Variants in PREPL observed in about 807,000 individuals in gnomAD.
The protein encoded by PREPL is prolyl endopeptidase-like.
PREPL carries 77 observed loss-of-function variants against 70.6 expected under a neutral mutation model. That is an observed-to-expected ratio of 1.09 (90% CI 0.91 to 1.32). PREPL has a LOEUF of 1.32. PREPL is among the 40% of genes most tolerant of loss of function. The pLI is 0.00. For missense variants in PREPL, 1,002 were observed against 778.2 expected (o/e 1.29, Z -3.42); for synonymous variants, 315 against 264.8 (o/e 1.19, Z -1.84).
chr2:44,328,860 C>A, intron 9 of PREPL, 77 bp downstream of exon 9: 1 of 1,339,226 alleles, frequency 7.5e-7, no homozygotes, highest in Non-Finnish European at 1.0e-6. Context: ...GCTTTTGTTC[C>A]CTGATATATA....
intron 1 of PREPL, chr2:44,360,649 C>T (rs1433925304): frequency 1.3e-5 from 2 of 152,204 alleles, no homozygotes; most frequent in East Asian, 3.8e-4. Context: ...CTACACTTAA[C>T]TGTGTCTCCG....
In PREPL at chr2:44,318,060, C is replaced by T; in HGVS notation, c.*3296G>A. 4.6e-6 allele frequency: 2 copies of T among 431,026 alleles called. No individual in the cohort carries two copies. The highest frequency in any genetic ancestry group is 1.6e-5 in the South Asian group (1 of 61,112). 26.7% of individuals were successfully genotyped at this position (431,026 alleles called of 1,614,324 possible). On this transcript the variant is annotated 3_prime_UTR_variant, in exon 14 of 14. Transcript: ENST00000409411. ...TTCCTAATACTTAGAAATATTTGCA[C>T]ATGTGCACAATAATACTTAAAGGAT... is the stretch of plus-strand genomic sequence containing the variant.
chr2:44,323,622 A>G (rs899645253), intron 10 of PREPL, among the ~76,000 whole-genome samples: 4 of 152,198 alleles, frequency 2.6e-5, no homozygotes, highest in Non-Finnish European at 5.9e-5. Flanking sequence ...ATGACATATA[A>G]CAAGAAATGG....
chr2:44,354,154 T>A (rs575858517), intron 1 of PREPL, among the ~76,000 whole-genome samples: 41 of 151,878 alleles, frequency 2.7e-4, no homozygotes, highest in Non-Finnish European at 5.2e-4. Flanking sequence ...AGGCCCTCTC[T>A]CAACAACAAC....
chr2:44,355,672 G>A (rs980451842), intron 1 of PREPL, among the ~76,000 whole-genome samples: 5 of 151,664 alleles, frequency 3.3e-5, no homozygotes, highest in African/African-American at 1.2e-4. Flanking sequence ...AAATCTGATT[G>A]CGCCTACATT....
At chr2:44,328,839 G>GA (rs900133836) in intron 9 of PREPL, 98 bp downstream of exon 9, 6 of 1,241,296 alleles carry the variant, frequency 4.8e-6, no homozygotes, top group Non-Finnish European at 4.4e-6. Context: ...TAATAAGAAT[G>GA]AAAAAAATAA....
In PREPL at chr2:44,359,146, G is replaced by A. The variant is rs181979516; in HGVS notation, c.-49+2234C>T. ...TGCTGTGGTGCGATCTCAGCTCACC[G>A]CAACCTCTGCCTCCTGGGTTCAAGA... On this transcript the variant is annotated intron_variant, in intron 1 of 13. Coordinates refer to ENST00000409411, the MANE Select transcript of PREPL (RefSeq NM_001171613.2). 6.7e-5 allele frequency among the ~76,000 whole-genome samples: 9 copies of A among 135,176 alleles called. No individual in the cohort carries two copies. The East Asian group carries it at 1.4e-3, about 21-fold the overall frequency. The allele number at this position is 135,176 out of a possible 152,430, so 88.7% of individuals were successfully genotyped here.
chr2:44,351,063 C>T (rs1390163103), intron 1 of PREPL, among the ~76,000 whole-genome samples: 1 of 151,310 alleles, frequency 6.6e-6, no homozygotes, highest in Non-Finnish European at 1.5e-5. Context: ...GCTGGGATTA[C>T]AGGCACTTGC....
At position 44,319,288 on chromosome 2, in the gene PREPL, C is replaced by A. The variant is rs1224304358; in HGVS notation, c.*2068G>T. 6.6e-6 allele frequency: 1 copy of A among 152,612 alleles called. No individual in the cohort carries two copies. Among genetic ancestry groups the A allele is most frequent in the Non-Finnish European group, 1.5e-5 (1 of 68,040 alleles). 9.5% of individuals were successfully genotyped at this position (152,612 alleles called of 1,614,324 possible). On this transcript the variant is annotated 3_prime_UTR_variant, in exon 14 of 14. Transcript: ENST00000409411. ...ATGAACATTATCACTGATTTGGCAA[C>A]AGCTCTTATGAAGAATAATTTGGCA...
chr2:44,320,015 G>A lies in PREPL; in HGVS notation c.*1341C>T. The A allele has an allele frequency of 1.7e-6, 1 of 600,112 alleles. No individual in the cohort carries two copies. The highest frequency in any genetic ancestry group is 2.0e-5 in the South Asian group (1 of 48,950). 37.2% of individuals were successfully genotyped at this position (600,112 alleles called of 1,614,324 possible). ...CCAGACAAGCCGAAACCCCGAATTTGTCATTTCTATCAGTTTTTATATAAA... is the reference window on the plus strand; with the variant it reads ...CCAGACAAGCCGAAACCCCGAATTTATCATTTCTATCAGTTTTTATATAAA... On this transcript the variant is annotated 3_prime_UTR_variant, in exon 14 of 14. Transcript: ENST00000409411.
Position 44,320,941 on chromosome 2 carries a change from A to G in PREPL, c.*415T>C, listed in dbSNP as rs540294069. On this transcript the variant is annotated 3_prime_UTR_variant, in exon 14 of 14. Transcript: ENST00000409411. ...AACGAATTTTAAGGGGAAGAATTTT[A>G]TCTTTTCCCTTAAAATGCAGTCATA... 104 of 424,618 alleles carry G rather than the reference A, an allele frequency of 2.4e-4. No homozygotes were observed. The highest frequency in any genetic ancestry group is 2.1e-3 in the Middle Eastern group (3 of 1,460). The allele number at this position is 424,618 out of a possible 1,614,324, so 26.3% of individuals were successfully genotyped here.
At chr2:44,332,696 C>T (rs1209526186) in intron 7 of PREPL, 40 bp from the exon 8 acceptor site, 25 of 1,458,476 alleles carry the variant, frequency 1.7e-5, no homozygotes, top group Non-Finnish European at 2.1e-5. Context: ...TTTATTTAGG[C>T]CACCAAGTAT....
intron 2 of PREPL, among the ~76,000 whole-genome samples, chr2:44,345,951 G>C (rs927070186): frequency 1.3e-5 from 2 of 151,974 alleles, no homozygotes; most frequent in Non-Finnish European, 2.9e-5. Flanking sequence ...AGATCAGCCA[G>C]GGCAACACAG....
chr2:44,340,840 A>T (rs1219401292), intron 5 of PREPL, among the ~76,000 whole-genome samples: 1 of 151,718 alleles, frequency 6.6e-6, no homozygotes, highest in Non-Finnish European at 1.5e-5. Context: ...AGGTAGAAGA[A>T]TCACTTGAAC....
intron 9 of PREPL, among the ~76,000 whole-genome samples, chr2:44,328,438 C>CCA (rs1320991520): frequency 6.5e-5 from 4 of 61,198 alleles, no homozygotes; most frequent in Admixed American, 2.8e-4. Flanking sequence ...CTGTCTCAAA[C>CCA]AAAAAAAAAA....
chr2:44,344,835 T>C (rs938478178), intron 2 of PREPL, among the ~76,000 whole-genome samples: 2 of 152,188 alleles, frequency 1.3e-5, no homozygotes, highest in Admixed American at 1.3e-4. Context: ...AGAAAAGGTA[T>C]AACAAAATCT....
intron 6 of PREPL, 133 bp from the exon 7 acceptor site, chr2:44,338,669 A>G: frequency 1.3e-6 from 1 of 744,494 alleles, no homozygotes; most frequent in Admixed American, 3.1e-5. Flanking sequence ...CTAACGCTGC[A>G]TCAGGGATAA....
chr2:44,350,833 T>C lies in PREPL; in HGVS notation c.-48-4443A>G, dbSNP rs147124415. Among the ~76,000 whole-genome samples, 464 of 152,312 alleles carry C rather than the reference T, an allele frequency of 3.0e-3. 1 individual carries two copies. The highest frequency in any genetic ancestry group is 4.3e-3 in the Admixed American group (66 of 15,294). ...TTGACCTGTCAGGATCATGATACAA[T>C]TGATCACTTCCTCCTCCTAAAAACA... On this transcript the variant is annotated intron_variant, in intron 1 of 13. Transcript: ENST00000409411.
At chr2:44,351,608 A>G (rs1242519204) in intron 1 of PREPL, among the ~76,000 whole-genome samples, 1 of 152,006 alleles carries the variant, frequency 6.6e-6, no homozygotes, top group African/African-American at 2.4e-5. Context: ...GCTTAAAAAC[A>G]TTACAGTTGG....
Sources: allele counts gnomAD v4.1 joint callset (sites outside exome capture counted in the v4.1 genomes callset), GRCh38; gene constraint gnomAD v4.1.1; transcripts MANE v1.5; gene names NCBI Gene and HGNC (gene_info 2026-07-23, HGNC 2026-07-21).